LMO1: variants seen among roughly 807,000 people sequenced by gnomAD.
The protein encoded by LMO1 is LIM domain only 1, also known as rhombotin-1.
LMO1 carries 10 observed loss-of-function variants against 18.0 expected under a neutral mutation model. The ratio of observed to expected loss-of-function variants is 0.55; its 90% CI spans 0.34 to 0.94. The LOEUF (loss-of-function observed/expected upper bound fraction) is 0.94. Ranked by LOEUF, LMO1 falls within the 40% of genes least tolerant of loss-of-function variation. LMO1 has a pLI of 0.02. For synonymous variants in LMO1, 77 were observed against 77.9 expected, an observed-to-expected ratio of 0.99 and a Z score of 0.06; for missense variants, 183 against 205.7, an observed-to-expected ratio of 0.89 and a Z score of 0.68.
chr11:8,248,425 G>A (rs1846931808), intron 1 of LMO1, among the ~76,000 whole-genome samples: 1 of 152,186 alleles, frequency 6.6e-6, no homozygotes, highest in Non-Finnish European at 1.5e-5. Flanking sequence ...AGCCAGGCAG[G>A]AGTGGTGCCC....
intron 1 of LMO1, among the ~76,000 whole-genome samples, chr11:8,231,516 G>T (rs1334350179): frequency 1.3e-5 from 2 of 152,218 alleles, no homozygotes; most frequent in Admixed American, 1.3e-4. Flanking sequence ...GACCCGTGAG[G>T]CTGGGAGGGA....
intron 1 of LMO1, among the ~76,000 whole-genome samples, chr11:8,241,357 C>T (rs934366573): frequency 3.5e-4 from 54 of 152,380 alleles, no homozygotes; most frequent in African/African-American, 1.3e-3. Flanking sequence ...TACCCACAGC[C>T]AATTCTTCAC....
At chr11:8,236,469 G>A (rs1276660116) in intron 1 of LMO1, among the ~76,000 whole-genome samples, 2 of 151,814 alleles carry the variant, frequency 1.3e-5, no homozygotes, top group Admixed American at 6.6e-5. Flanking sequence ...ACTTCCCAAA[G>A]TGCTGGGGTT....
intron 1 of LMO1, among the ~76,000 whole-genome samples, chr11:8,234,783 A>T (rs1952732872): frequency 6.6e-6 from 1 of 152,100 alleles, no homozygotes; most frequent in Admixed American, 6.5e-5. Flanking sequence ...TCCCTCCCGC[A>T]AATGGATCTT....
intron 1 of LMO1, among the ~76,000 whole-genome samples, chr11:8,253,140 C>G (rs1847033023): frequency 6.6e-6 from 1 of 152,176 alleles, no homozygotes; most frequent in Non-Finnish European, 1.5e-5. Flanking sequence ...TACCCAGGCC[C>G]CCTGCCCTCA....
At chr11:8,264,470 C>T (rs1009840523), upstream of LMO1, among the ~76,000 whole-genome samples, 4 of 152,162 alleles carry the variant, frequency 2.6e-5, no homozygotes, top group East Asian at 3.8e-4. Context: ...ATGGAGTTGA[C>T]GATTCTTGCT....
At chr11:8,237,495 C>T (rs1327410393) in intron 1 of LMO1, among the ~76,000 whole-genome samples, 10 of 152,164 alleles carry the variant, frequency 6.6e-5, no homozygotes, top group South Asian at 2.1e-4. Context: ...ATGCAGCAGG[C>T]GAGGCCTGAA....
At chr11:8,236,475 G>A (rs1457781146) in intron 1 of LMO1, among the ~76,000 whole-genome samples, 2 of 151,894 alleles carry the variant, frequency 1.3e-5, no homozygotes, top group African/African-American at 2.4e-5. Flanking sequence ...CAAAGTGCTG[G>A]GGTTAGTAGG....
At chr11:8,232,327 C>A (rs1952679341) in intron 1 of LMO1, among the ~76,000 whole-genome samples, 1 of 152,200 alleles carries the variant, frequency 6.6e-6, no homozygotes, top group South Asian at 2.1e-4. Flanking sequence ...TCTAGCAGGG[C>A]CCAGCCTGGC....
chr11:8,238,551 A>G (rs971619149), intron 1 of LMO1, among the ~76,000 whole-genome samples: 5 of 151,688 alleles, frequency 3.3e-5, no homozygotes, highest in Admixed American at 2.0e-4. Flanking sequence ...GGTGCCTGTA[A>G]TCCCAGCTAC....
At chr11:8,251,967 T>G (rs1229057519) in intron 1 of LMO1, among the ~76,000 whole-genome samples, 37 of 115,280 alleles carry the variant, frequency 3.2e-4, no homozygotes, top group African/African-American at 1.2e-3. Context: ...TGTTTGTGTG[T>G]GGGGGTGTGC....
rs144616749 is a variant in LMO1, at chr11:8,240,419, C to T, written c.26-9915G>A. Among the ~76,000 whole-genome samples, 306 of 152,314 alleles carry T rather than the reference C, an allele frequency of 2.0e-3. 3 individuals carry two copies. The highest frequency in any genetic ancestry group is 6.9e-3 in the African/African-American group (288 of 41,564). On this transcript the variant is annotated intron_variant, in intron 1 of 3. Transcript: ENST00000335790. ...TCTTCCTTGTTGAGGGAAGCTGACT[C>T]TGGTTTGGGGCAACAGCAACAGCCT... is the stretch of plus-strand genomic sequence containing the variant.
At chr11:8,268,216 C>T (rs1847280389), upstream of LMO1, among the ~76,000 whole-genome samples, 1 of 152,126 alleles carries the variant, frequency 6.6e-6, no homozygotes, top group Admixed American at 6.5e-5. Context: ...GCCGCCGAAG[C>T]CCGGGCGCTG....
upstream of LMO1, chr11:8,268,497 G>T (rs1847284085): frequency 2.2e-6 from 3 of 1,356,600 alleles, no homozygotes; most frequent in Admixed American, 5.7e-5. Flanking sequence ...GGAGGGGCGC[G>T]TGGCTCCGAC....
upstream of LMO1, among the ~76,000 whole-genome samples, chr11:8,264,284 T>C (rs1441631696): frequency 2.0e-5 from 3 of 152,002 alleles, no homozygotes; most frequent in Non-Finnish European, 4.4e-5. Flanking sequence ...CCCAAAAGCA[T>C]CCTGACTCCA....
upstream of LMO1, chr11:8,268,391 G>GC: frequency 6.8e-7 from 1 of 1,462,732 alleles, no homozygotes; most frequent in Non-Finnish European, 9.0e-7. Context: ...CGTCCCGCGT[G>GC]CCCCCGGGCA....
At chr11:8,232,070 C>G (rs1952672091) in intron 1 of LMO1, among the ~76,000 whole-genome samples, 1 of 152,166 alleles carries the variant, frequency 6.6e-6, no homozygotes, top group Admixed American at 6.5e-5. Flanking sequence ...TGTGCTCGCT[C>G]TCAGCCCAGC....
At position 8,230,337 on chromosome 11, in the gene LMO1, G is replaced by T. The variant is rs745575326; in HGVS notation, c.193C>A (p.Leu65Ile). 6.2e-7 allele frequency: 1 copy of T among 1,613,956 alleles called. No homozygotes were observed. The highest frequency in any genetic ancestry group is 1.1e-5 in the South Asian group (1 of 91,080). ...DCRLGEVGST[L>I]YTKANLILCR... ...AGGATGAGGTTGGCCTTGGTGTAGA[G>T]GGTGGAGCCCACCTCGCCCAGGCGG... The change falls in exon 2 of 4, where the codon CTC (leucine) becomes ATC (isoleucine). Residue 65 changes from leucine (L) to isoleucine (I), a missense_variant. Coordinates refer to ENST00000335790, the MANE Select transcript of LMO1 (RefSeq NM_002315.3).
chr11:8,224,545 C>T lies in LMO1; in HGVS notation c.*71G>A. The T allele has an allele frequency of 2.2e-6, 2 of 928,388 alleles. No individual in the cohort carries two copies. Among genetic ancestry groups the T allele is most frequent in the South Asian group, 2.9e-5 (2 of 68,400 alleles). 57.5% of individuals were successfully genotyped at this position (928,388 alleles called of 1,614,324 possible). A position where few individuals can be genotyped will look rare whatever the true frequency, so the allele number is the denominator to read the frequency against. On this transcript the variant is annotated 3_prime_UTR_variant, in exon 4 of 4. Coordinates refer to ENST00000335790, the MANE Select transcript of LMO1 (RefSeq NM_002315.3). ...TGGCCAGCCTGCACTGGTAGAGTGG[C>T]TGGCTGGCCGGCCAGGCAGGTGGGC... is the stretch of plus-strand genomic sequence containing the variant.
Sources: gnomAD v4.1 joint callset for allele counts (sites outside exome capture counted in the v4.1 genomes callset) on GRCh38, gnomAD v4.1.1 for gene constraint, MANE v1.5 for transcripts, NCBI Gene and HGNC (gene_info 2026-07-23, HGNC 2026-07-21) for gene names.